Variants in HMX1 observed in about 807,000 individuals in gnomAD.
HMX1 encodes the protein homeobox protein HMX1.
HMX1 carries 8 observed loss-of-function variants against 8.9 expected under a neutral mutation model. That is an observed-to-expected ratio of 0.90 (90% CI 0.53 to 1.63). The LOEUF is 1.63. HMX1 is among the 40% of genes most tolerant of loss of function. The pLI, the probability that HMX1 is intolerant of heterozygous loss-of-function variation, is 0.00. For synonymous variants in HMX1, 311 were observed against 283.4 expected (o/e 1.10, Z -0.98); for missense variants, 621 against 558.5 (o/e 1.11, Z -1.13).
intron 1 of HMX1, among the ~76,000 whole-genome samples, chr4:8,860,366 G>A (rs1217808814): frequency 6.6e-6 from 1 of 152,252 alleles, no homozygotes; most frequent in Non-Finnish European, 1.5e-5. Flanking sequence ...GGAAGGCTGT[G>A]TACACAGCAG....
At position 8,848,315 on chromosome 4, in the gene HMX1, G is replaced by A. The variant is rs1463842324; in HGVS notation, c.395-1991C>T. ...ATGAAATTATCATTTATTTGCAACT[G>A]TTTGTTCTTTAATGTAGCTACTAGA... On this transcript the variant is annotated intron_variant, in intron 1 of 1. Transcript: ENST00000506970. This position sits in a 1 kb window ranked among gnomAD's most constrained non-coding sequence, Gnocchi z 4.1. 2.6e-5 allele frequency among the ~76,000 whole-genome samples: 4 copies of A among 152,162 alleles called. No homozygotes were observed. The highest frequency in any genetic ancestry group is 4.4e-5 in the Non-Finnish European group (3 of 68,028).
chr4:8,861,486 G>A (rs1026949147), intron 1 of HMX1, among the ~76,000 whole-genome samples: 17 of 152,228 alleles, frequency 1.1e-4, no homozygotes, highest in African/African-American at 3.9e-4. Context: ...GAACGACGGG[G>A]GAGCCTCGGT....
intron 1 of HMX1, among the ~76,000 whole-genome samples, chr4:8,857,249 C>T (rs929044905): frequency 2.0e-5 from 3 of 152,204 alleles, no homozygotes; most frequent in African/African-American, 4.8e-5. Flanking sequence ...GGTTGGACGC[C>T]GTCCCCACTT....
At position 8,871,764 on chromosome 4, in the gene HMX1, C is replaced by T. The variant is rs1054824467; in HGVS notation, c.-150G>A. ...CCCGCAGGGCAGGCGGCGGCCTCCG[C>T]GCCGGGCTGGGCTGGGCCGGGCCGG... On this transcript the variant is annotated 5_prime_UTR_variant, in exon 1 of 2. Coordinates refer to ENST00000400677, the MANE Select transcript of HMX1 (RefSeq NM_018942.3). This position sits in a 1 kb window ranked among gnomAD's most constrained non-coding sequence, Gnocchi z 4.8. The T allele has an allele frequency of 9.3e-6, 9 of 966,046 alleles. No individual in the cohort carries two copies. The highest frequency in any genetic ancestry group is 3.5e-5 in the African/African-American group (2 of 56,658). 59.8% of individuals were successfully genotyped at this position (966,046 alleles called of 1,614,324 possible).
At chr4:8,864,326 C>G (rs553302223), downstream of HMX1, among the ~76,000 whole-genome samples, 2 of 152,126 alleles carry the variant, frequency 1.3e-5, no homozygotes, top group South Asian at 2.1e-4. Flanking sequence ...GTCCAGAGCC[C>G]GCTGCACCCA....
chr4:8,863,894 G>T (rs4612014), downstream of HMX1, among the ~76,000 whole-genome samples: 1 of 152,210 alleles, frequency 6.6e-6, no homozygotes, highest in Admixed American at 6.5e-5. Context: ...GGACAGGACC[G>T]TTAAGCCCAG....
chr4:8,866,569 TGACCAGA>T (rs958312087), downstream of HMX1, among the ~76,000 whole-genome samples: 16 of 152,200 alleles, frequency 1.1e-4, no homozygotes, highest in African/African-American at 2.2e-4. Flanking sequence ...GTCCTCCAGC[TGACCAGA>T]GACCAGAGAC....
At chr4:8,846,746 A>C (rs7293288) in intron 1 of HMX1, among the ~76,000 whole-genome samples, 92,062 of 151,530 alleles carry the variant, frequency 0.61, 30,455 homozygotes, top group East Asian at 0.92. Context: ...CGGAGCTCCT[A>C]CTGGGCTTGT....
At chr4:8,865,851 C>T (rs965106669), downstream of HMX1, among the ~76,000 whole-genome samples, 6 of 152,282 alleles carry the variant, frequency 3.9e-5, no homozygotes, top group Admixed American at 6.5e-5. Context: ...GCAGTTGGGG[C>T]GCAGCCCCAA....
At chr4:8,865,797 AGATGAAACC>A (rs1165493023), downstream of HMX1, among the ~76,000 whole-genome samples, 6 of 152,316 alleles carry the variant, frequency 3.9e-5, no homozygotes, top group Admixed American at 3.9e-4. Flanking sequence ...AGTCCCTCCC[AGATGAAACC>A]GAGTGAGAAC....
intron 1 of HMX1, among the ~76,000 whole-genome samples, chr4:8,854,699 T>C (rs1721557044): frequency 6.6e-6 from 1 of 152,078 alleles, no homozygotes; most frequent in Non-Finnish European, 1.5e-5. Context: ...TCCCTGTCTC[T>C]CTGTCTATCT....
At position 8,871,658 on chromosome 4, in the gene HMX1, C is replaced by G. The variant is rs1304643049; in HGVS notation, c.-44G>C. ...GGGCTCGGCCGGGCTCCTCGGTCCC[C>G]GCTGGGGATGGTGGCGCGCGGCTCC... On this transcript the variant is annotated 5_prime_UTR_variant, in exon 1 of 2. Transcript: ENST00000400677. This position sits in a 1 kb window ranked among gnomAD's most constrained non-coding sequence, Gnocchi z 4.8. 8.5e-7 allele frequency: 1 copy of G among 1,182,776 alleles called. No individual in the cohort carries two copies. Among genetic ancestry groups the G allele is most frequent in the Non-Finnish European group, 1.0e-6 (1 of 957,336 alleles). 73.3% of individuals were successfully genotyped at this position (1,182,776 alleles called of 1,614,324 possible).
downstream of HMX1, among the ~76,000 whole-genome samples, chr4:8,862,600 C>T (rs975543058): frequency 2.6e-5 from 4 of 152,272 alleles, no homozygotes; most frequent in East Asian, 1.9e-4. Context: ...CTGATAATAA[C>T]TTTTTTTAAA....
Position 8,849,405 on chromosome 4 carries a change from C to T in HMX1, c.395-3081G>A, listed in dbSNP as rs1378663464. Among the ~76,000 whole-genome samples the T allele has an allele frequency of 6.6e-6, 1 of 151,848 alleles. No individual in the cohort carries two copies. The highest frequency in any genetic ancestry group is 2.4e-5 in the African/African-American group (1 of 41,322). ...CGTGAAGCCAAGGAGAAGGCGGGCA[C>T]TCAGCTGGCACCACGTGGCCTTGAG... On this transcript the variant is annotated intron_variant, in intron 1 of 1. Coordinates refer to the HMX1 transcript ENST00000506970. This position sits in a 1 kb window ranked among gnomAD's most constrained non-coding sequence, Gnocchi z 6.6.
chr4:8,869,188 G>C lies in HMX1; in HGVS notation c.395-843C>G, dbSNP rs561945927. Among the ~76,000 whole-genome samples the C allele has an allele frequency of 2.6e-5, 4 of 152,306 alleles. No individual in the cohort carries two copies. In the South Asian group the frequency reaches 8.3e-4, roughly 32 times the overall value. On this transcript the variant is annotated intron_variant, in intron 1 of 1. Coordinates refer to ENST00000400677, the MANE Select transcript of HMX1 (RefSeq NM_018942.3). Reference sequence around the variant, plus strand: ...AACCAGAAGCTCACAGGCGGTGTCTGAGTTCATGTTCCAAGTACCAAGCTC... The same window carrying C: ...AACCAGAAGCTCACAGGCGGTGTCTCAGTTCATGTTCCAAGTACCAAGCTC...
At chr4:8,866,364 A>G (rs936336879), downstream of HMX1, among the ~76,000 whole-genome samples, 1 of 152,182 alleles carries the variant, frequency 6.6e-6, no homozygotes, top group Non-Finnish European at 1.5e-5. Flanking sequence ...TCTGCCATGG[A>G]AGTGAACTTT....
rs1721311058 is a variant in HMX1, at chr4:8,847,391, G to C, written c.395-1067C>G. ...CACCAGGAGGAGCAAGATGTTTCTG[G>C]GAACGTGGTTTGAGAAATGCTGTTC... On this transcript the variant is annotated intron_variant, in intron 1 of 1. Transcript: ENST00000506970. The surrounding 1 kb of genome is among the most constrained non-coding windows in gnomAD (Gnocchi z 6.0). Among the ~76,000 whole-genome samples, 1 of 152,206 alleles carries C rather than the reference G, an allele frequency of 6.6e-6. No homozygotes were observed. Among genetic ancestry groups the C allele is most frequent in the African/African-American group, 2.4e-5 (1 of 41,462 alleles).
At chr4:8,862,662 G>T, downstream of HMX1, among the ~76,000 whole-genome samples, 1 of 152,332 alleles carries the variant, frequency 6.6e-6, no homozygotes, top group South Asian at 2.1e-4. Context: ...CTCAAAGGCA[G>T]TTGGCTTTTG....
At chr4:8,863,573 G>A (rs1721900298), downstream of HMX1, among the ~76,000 whole-genome samples, 1 of 152,258 alleles carries the variant, frequency 6.6e-6, no homozygotes, top group Admixed American at 6.5e-5. Context: ...ATGGGAGTCG[G>A]CGGGCAGAGG....
Sources: gnomAD v4.1 joint callset for allele counts (sites outside exome capture counted in the v4.1 genomes callset) on GRCh38, gnomAD v4.1.1 for gene constraint, Gnocchi (gnomAD v3.1) non-coding constraint, MANE v1.5 for transcripts, NCBI Gene and HGNC (gene_info 2026-07-23, HGNC 2026-07-21) for gene names.